Variants in CEP128 observed in about 807,000 individuals in gnomAD.
CEP128 encodes the protein centrosomal protein 128kDa.
In CEP128, 132 loss-of-function variants were observed where a neutral mutation model predicts 156.7. The ratio of observed to expected loss-of-function variants is 0.84; its 90% CI spans 0.73 to 0.97. The LOEUF (loss-of-function observed/expected upper bound fraction) is 0.97. Among genes scored for constraint, CEP128 ranks in the 50% least tolerant of loss-of-function variants. CEP128 has a pLI of 0.00. For synonymous variants in CEP128, 469 were observed against 448.9 expected (o/e 1.04, Z -0.57); for missense variants, 1,252 against 1,281.9 (o/e 0.98, Z 0.36).
At chr14:80,540,720 G>T (rs1889716727) in intron 21 of CEP128, among the ~76,000 whole-genome samples, 1 of 152,232 alleles carries the variant, frequency 6.6e-6, no homozygotes, top group Non-Finnish European at 1.5e-5. Flanking sequence ...GTCTTGTGGA[G>T]TTTGGGAGTG....
At chr14:80,541,828 C>T (rs1347409795) in intron 21 of CEP128, among the ~76,000 whole-genome samples, 1 of 152,188 alleles carries the variant, frequency 6.6e-6, no homozygotes, top group Non-Finnish European at 1.5e-5. Flanking sequence ...TGGGCTTGGT[C>T]AATACCTCCT....
At chr14:80,639,635 T>C (rs1894329745) in intron 19 of CEP128, among the ~76,000 whole-genome samples, 1 of 152,182 alleles carries the variant, frequency 6.6e-6, no homozygotes, top group Admixed American at 6.5e-5. Context: ...TTGTCTAAAA[T>C]TAACACATTA....
chr14:80,814,052 A>G (rs1001169359), intron 13 of CEP128, among the ~76,000 whole-genome samples: 2 of 152,128 alleles, frequency 1.3e-5, no homozygotes, highest in African/African-American at 4.8e-5. Context: ...TTCCAATTTG[A>G]TCTTTTAAGG....
At chr14:80,858,101 C>T (rs1313911162) in intron 9 of CEP128, among the ~76,000 whole-genome samples, 1 of 151,954 alleles carries the variant, frequency 6.6e-6, no homozygotes, top group East Asian at 1.9e-4. Flanking sequence ...AGTCCTAAGC[C>T]AAAAGAACAA....
chr14:80,541,286 T>G (rs1429859527), intron 21 of CEP128, among the ~76,000 whole-genome samples: 1 of 151,810 alleles, frequency 6.6e-6, no homozygotes, highest in African/African-American at 2.4e-5. Flanking sequence ...CTTAAAAGGC[T>G]GGAAAGAGTA....
intron 21 of CEP128, among the ~76,000 whole-genome samples, chr14:80,532,977 C>T (rs1889297890): frequency 1.3e-5 from 2 of 152,110 alleles, no homozygotes; most frequent in Non-Finnish European, 2.9e-5. Flanking sequence ...TTTGTTCCTT[C>T]TGCTTAACAT....
intron 20 of CEP128, among the ~76,000 whole-genome samples, chr14:80,568,162 T>C (rs915603494): frequency 1.6e-4 from 24 of 152,200 alleles, no homozygotes; most frequent in Admixed American, 1.4e-3. Context: ...ATAGTTGGTC[T>C]AATGAGACTC....
chr14:80,896,069 C>G (rs1349378772), intron 7 of CEP128, among the ~76,000 whole-genome samples: 1 of 152,068 alleles, frequency 6.6e-6, no homozygotes, highest in Non-Finnish European at 1.5e-5. Context: ...GGTCTGGAGA[C>G]CAAACTTTGA....
intron 19 of CEP128, among the ~76,000 whole-genome samples, chr14:80,701,225 T>C (rs1218664723): frequency 6.6e-6 from 1 of 152,128 alleles, no homozygotes; most frequent in African/African-American, 2.4e-5. Flanking sequence ...TTGGTTCCTG[T>C]GTAGCCTGCA....
rs747703555 is a variant in CEP128, at chr14:80,497,542, G to C, written c.3222C>G (p.Asn1074Lys). Reference sequence around the variant, plus strand: ...TTCCATTCATTGTGGCATCTTCCTTGTTTGAAGCTGAATCTGGAGCAACAG... The same window carrying C: ...TTCCATTCATTGTGGCATCTTCCTTCTTTGAAGCTGAATCTGGAGCAACAG... ...KRTVAPDSASNKEDATMNGTS... is the reference protein window; with the variant it reads ...KRTVAPDSASKKEDATMNGTS... The change falls in exon 25 of 25, where the codon AAC becomes AAG. Residue 1074 changes from asparagine to lysine, a missense_variant. Physicochemically the swap from Asn to Lys is moderately conservative, Grantham distance 94. Transcript: ENST00000555265. 6.2e-7 allele frequency: 1 copy of C among 1,613,350 alleles called. No homozygotes were observed. Among genetic ancestry groups the C allele is most frequent in the Non-Finnish European group, 8.5e-7 (1 of 1,179,592 alleles).
Position 80,932,573 on chromosome 14 carries a change from G to A in CEP128, c.-16+6812C>T, listed in dbSNP as rs192295690. The stretch of plus-strand genomic sequence containing the variant: ...TCTGCAGTGACAGCAACAAAAATGA[G>A]ACTACAGAGTAGAATGGACGTAAGC... On this transcript the variant is annotated intron_variant, in intron 2 of 24. Transcript: ENST00000555265. 5.3e-5 allele frequency among the ~76,000 whole-genome samples: 8 copies of A among 152,168 alleles called. No individual in the cohort carries two copies. In the East Asian group the frequency reaches 1.5e-3, roughly 29 times the overall value.
chr14:80,755,007 T>C (rs1313797132), intron 18 of CEP128, among the ~76,000 whole-genome samples: 2 of 152,128 alleles, frequency 1.3e-5, no homozygotes, highest in African/African-American at 4.8e-5. Flanking sequence ...GGTGTGTCTG[T>C]GAGGGTGTTT....
chr14:80,566,138 C>T (rs1413406886), intron 20 of CEP128, among the ~76,000 whole-genome samples: 2 of 152,136 alleles, frequency 1.3e-5, no homozygotes, highest in African/African-American at 4.8e-5. Flanking sequence ...AATACAAAGC[C>T]TGTCTTCTGG....
intron 8 of CEP128, among the ~76,000 whole-genome samples, chr14:80,869,072 G>A (rs1887907635): frequency 1.3e-5 from 2 of 151,986 alleles, no homozygotes; most frequent in South Asian, 4.1e-4. Context: ...ATATCATCCA[G>A]ACGGAAAGTC....
At chr14:80,916,363 A>C (rs1884554181) in intron 3 of CEP128, 38 bp downstream of exon 3, 2 of 1,550,760 alleles carry the variant, frequency 1.3e-6, no homozygotes, top group Non-Finnish European at 1.8e-6. Flanking sequence ...AGCTCAAACT[A>C]TTTAAATTCT....
intron 19 of CEP128, among the ~76,000 whole-genome samples, chr14:80,617,645 C>T (rs1893282809): frequency 6.6e-6 from 1 of 152,104 alleles, no homozygotes; most frequent in Admixed American, 6.6e-5. Context: ...TAGTGTGACA[C>T]AAAATGCTTG....
chr14:80,944,708 G>A (rs976272324), upstream of CEP128, among the ~76,000 whole-genome samples: 1 of 151,476 alleles, frequency 6.6e-6, no homozygotes, highest in African/African-American at 2.4e-5. Context: ...TGTAGTCCCA[G>A]CTACTTGGGA....
At chr14:80,520,249 T>C (rs1888675732) in intron 23 of CEP128, among the ~76,000 whole-genome samples, 1 of 152,004 alleles carries the variant, frequency 6.6e-6, no homozygotes, top group Non-Finnish European at 1.5e-5. Flanking sequence ...TGAAACCCCA[T>C]CTCCACTAAA....
chr14:80,567,792 T>C (rs8015244), intron 20 of CEP128, among the ~76,000 whole-genome samples: 58,992 of 151,932 alleles, frequency 0.39, 11,814 homozygotes, highest in East Asian at 0.52. Flanking sequence ...ATAAAGACTA[T>C]GATGGTGGCT....
Sources: gnomAD v4.1 joint callset for allele counts (sites outside exome capture counted in the v4.1 genomes callset) on GRCh38, gnomAD v4.1.1 for gene constraint, MANE v1.5 for transcripts, NCBI Gene and HGNC (gene_info 2026-07-23, HGNC 2026-07-21) for gene names.